Variants in EXOC1L observed in about 807,000 individuals in gnomAD.
The protein encoded by EXOC1L is exocyst complex component 1 like, also known as exocyst complex component 1-like.
EXOC1L carries 10 observed loss-of-function variants against 4.9 expected under a neutral mutation model. The observed-to-expected ratio is 2.02, with a 90% CI of 1.25 to 3.43. EXOC1L has a LOEUF of 3.43. EXOC1L is among the 30% of genes most tolerant of loss of function. The probability of loss-of-function intolerance (pLI) is 0.00; values close to 1 mark genes in which losing one functional copy is unlikely to be tolerated. For synonymous variants in EXOC1L, 41 were observed against 20.8 expected, an observed-to-expected ratio of 1.97 and a Z score of -2.63; for missense variants, 114 against 59.4, an observed-to-expected ratio of 1.92 and a Z score of -3.02.
chr4:55,825,643 CT>C (rs1288084056), intron 1 of EXOC1L, among the ~76,000 whole-genome samples: 4 of 152,152 alleles, frequency 2.6e-5, no homozygotes, highest in Admixed American at 1.3e-4. Context: ...CTTTCCTTCT[CT>C]TTCATTCTAT....
At chr4:55,831,738 T>C (rs1720038244) in intron 2 of EXOC1L, among the ~76,000 whole-genome samples, 2 of 151,996 alleles carry the variant, frequency 1.3e-5, no homozygotes, top group South Asian at 4.1e-4. Context: ...TCCTGAAAAT[T>C]TAAATGCCAC....
At chr4:55,825,729 T>A (rs1156670364) in intron 1 of EXOC1L, among the ~76,000 whole-genome samples, 1 of 152,150 alleles carries the variant, frequency 6.6e-6, no homozygotes, top group South Asian at 2.1e-4. Flanking sequence ...TTAAAGACAC[T>A]CAGTGTAGCC....
At chr4:55,829,734 C>A (rs550174780) in intron 1 of EXOC1L, among the ~76,000 whole-genome samples, 1 of 152,262 alleles carries the variant, frequency 6.6e-6, no homozygotes, top group South Asian at 2.1e-4. Context: ...GTATCACTGG[C>A]ACCATCAGGC....
intron 1 of EXOC1L, among the ~76,000 whole-genome samples, chr4:55,830,094 T>C (rs1719986623): frequency 6.6e-6 from 1 of 152,216 alleles, no homozygotes; most frequent in Admixed American, 6.5e-5. Flanking sequence ...TCTATTTCAT[T>C]TGTAATTCCT....
intron 1 of EXOC1L, among the ~76,000 whole-genome samples, chr4:55,830,461 C>A (rs950666076): frequency 6.6e-6 from 1 of 152,024 alleles, no homozygotes; most frequent in Non-Finnish European, 1.5e-5. Flanking sequence ...TACTTGTATC[C>A]CCTGCGGCAT....
At chr4:55,824,887 C>T (rs1719842783) in intron 1 of EXOC1L, among the ~76,000 whole-genome samples, 1 of 152,118 alleles carries the variant, frequency 6.6e-6, no homozygotes, top group South Asian at 2.1e-4. Flanking sequence ...CAGTCAGTAA[C>T]TTACGAGACA....
At chr4:55,836,955 A>G (rs1383018310) in intron 2 of EXOC1L, 130 bp from the exon 3 acceptor site, 1 of 473,576 alleles carries the variant, frequency 2.1e-6, no homozygotes, top group Non-Finnish European at 3.7e-6. Context: ...GCCCATTTGT[A>G]GATTTTAGAA....
intron 1 of EXOC1L, among the ~76,000 whole-genome samples, chr4:55,823,810 G>T (rs919092444): frequency 6.6e-6 from 1 of 152,084 alleles, no homozygotes; most frequent in East Asian, 1.9e-4. Context: ...CTGGGCTCAA[G>T]GATTCTCCTG....
intron 2 of EXOC1L, among the ~76,000 whole-genome samples, chr4:55,836,663 T>C (rs892547662): frequency 2.0e-5 from 3 of 152,076 alleles, no homozygotes; most frequent in South Asian, 2.1e-4. Flanking sequence ...CTAGCTATCA[T>C]GTATTTCTTC....
At chr4:55,828,598 G>A (rs575371724) in intron 1 of EXOC1L, among the ~76,000 whole-genome samples, 15 of 152,232 alleles carry the variant, frequency 9.9e-5, no homozygotes, top group South Asian at 4.1e-4. Context: ...TTGAGAGGCC[G>A]AGGCAGGAGC....
chr4:55,836,374 T>C (rs1351140733), intron 2 of EXOC1L, among the ~76,000 whole-genome samples: 1 of 151,948 alleles, frequency 6.6e-6, no homozygotes, highest in African/African-American at 2.4e-5. Flanking sequence ...AGATAATGAA[T>C]GTGAAAGCAT....
In EXOC1L at chr4:55,831,398, A is replaced by C; in HGVS notation, c.186A>C (p.Lys62Asn). The C allele has an allele frequency of 1.4e-6, 1 of 694,340 alleles. No homozygotes were observed. Among genetic ancestry groups the C allele is most frequent in the Non-Finnish European group, 2.6e-6 (1 of 381,442 alleles). 43.0% of individuals were successfully genotyped at this position (694,340 alleles called of 1,614,324 possible). The change falls in exon 2 of 3, where the codon AAA (lysine) becomes AAC (asparagine). Residue 62 changes from lysine (K) to asparagine (N), a missense_variant. By Grantham distance (94) the Lys-to-Asn change is moderately conservative. Transcript: ENST00000636125. The part of the protein sequence containing the change: ...VKHYRIGLDE[K>N]YEVTKKWSLN... ...ACTACAGAATAGGTTTAGATGAAAA[A>C]TATGAAGTAACAAAAAAGTGGTCTT...
chr4:55,825,211 C>T (rs569218565), intron 1 of EXOC1L, among the ~76,000 whole-genome samples: 6 of 152,204 alleles, frequency 3.9e-5, no homozygotes, highest in African/African-American at 9.6e-5. Context: ...GTTTTACAGA[C>T]GAGGAAACCA....
intron 1 of EXOC1L, among the ~76,000 whole-genome samples, chr4:55,829,077 G>A (rs1362666031): frequency 1.3e-5 from 2 of 152,114 alleles, no homozygotes; most frequent in Non-Finnish European, 2.9e-5. Context: ...TGTATTCAGT[G>A]TTTGGTTTTC....
At chr4:55,823,849 A>C (rs1457423241) in intron 1 of EXOC1L, among the ~76,000 whole-genome samples, 3 of 152,118 alleles carry the variant, frequency 2.0e-5, no homozygotes, top group African/African-American at 7.2e-5. Context: ...GTAATAATTT[A>C]ATATCTTCCC....
intron 2 of EXOC1L, among the ~76,000 whole-genome samples, 189 bp downstream of exon 2, chr4:55,831,653 G>C (rs1313583606): frequency 2.6e-5 from 4 of 151,972 alleles, no homozygotes; most frequent in Non-Finnish European, 5.9e-5. Flanking sequence ...AGTTTCAAGT[G>C]AAATTTTGTC....
chr4:55,827,548 G>GCC (rs1410073928), intron 1 of EXOC1L, among the ~76,000 whole-genome samples: 1 of 152,146 alleles, frequency 6.6e-6, no homozygotes, highest in Non-Finnish European at 1.5e-5. Context: ...ACAGTGCTTG[G>GCC]TACAAAAAGG....
intron 1 of EXOC1L, among the ~76,000 whole-genome samples, chr4:55,830,523 T>C (rs1044116648): frequency 2.0e-5 from 3 of 152,184 alleles, no homozygotes; most frequent in Non-Finnish European, 4.4e-5. Context: ...TACTCCTTTA[T>C]TATAATAACT....
At chr4:55,827,880 A>G (rs1461061754) in intron 1 of EXOC1L, among the ~76,000 whole-genome samples, 2 of 152,120 alleles carry the variant, frequency 1.3e-5, no homozygotes, top group Admixed American at 1.3e-4. Context: ...CCTCTGCCTA[A>G]CAGCTTCACT....
Sources: allele counts gnomAD v4.1 joint callset (sites outside exome capture counted in the v4.1 genomes callset), GRCh38; gene constraint gnomAD v4.1.1; transcripts MANE v1.5; gene names NCBI Gene and HGNC (gene_info 2026-07-23, HGNC 2026-07-21).